SH3KBP1: variants seen among roughly 807,000 people sequenced by gnomAD.
The protein encoded by SH3KBP1 is SH3 domain-containing kinase-binding protein 1.
A neutral mutation model predicts 50.1 loss-of-function variants in SH3KBP1; 8 were observed. The ratio of observed to expected loss-of-function variants is 0.16; its 90% confidence interval spans 0.09 to 0.29. The LOEUF is 0.29. SH3KBP1 is among the 10% of genes least tolerant of loss of function. SH3KBP1 has a pLI of 1.00. For synonymous variants in SH3KBP1, 227 were observed against 218.6 expected, an observed-to-expected ratio of 1.04 and a Z score of -0.34; for missense variants, 377 against 535.2, an observed-to-expected ratio of 0.70 and a Z score of 2.92.
At chrX:19,711,807 C>A (rs1241523986) in intron 3 of SH3KBP1, among the ~76,000 whole-genome samples, 2 of 111,418 alleles carry the variant, frequency 1.8e-5, no homozygotes, top group Non-Finnish European at 3.8e-5. Flanking sequence ...TCAAAAGAAA[C>A]CCCTAATTCC....
rs779578178 is a variant in SH3KBP1, at chrX:19,842,463, T to A, written c.5-6181A>T. 2.0e-3 allele frequency among the ~76,000 whole-genome samples: 223 copies of A among 111,132 alleles called. 1 individual carries two copies. Among genetic ancestry groups the A allele is most frequent in the Non-Finnish European group, 3.5e-3 (184 of 52,729 alleles). On this transcript the variant is annotated intron_variant, in intron 1 of 17. Coordinates refer to ENST00000397821, the MANE Select transcript of SH3KBP1 (RefSeq NM_031892.3). ...ATAGCTTGAACCCCAGAGGCAGAGG[T>A]TGCAGTGAGCTGAGATCATGCCACT...
chrX:19,569,390 T>A lies in SH3KBP1; in HGVS notation c.1299-202A>T, dbSNP rs752764379. On this transcript the variant is annotated intron_variant, in intron 12 of 17. Transcript: ENST00000397821. ...AGCTGACAGGCTGGATGCGTCCCTC[T>A]CCAGCACACGTTTTCAAAAATGGCT... 2.6e-3 allele frequency among the ~76,000 whole-genome samples: 294 copies of A among 112,158 alleles called. 2 individuals carry two copies. The highest frequency in any genetic ancestry group is 8.7e-3 in the African/African-American group (270 of 30,881).
chrX:19,746,502 A>G (rs1283396052), intron 2 of SH3KBP1, 61 bp from the exon 3 acceptor site: 3 of 1,080,804 alleles, frequency 2.8e-6, no homozygotes, highest in Admixed American at 5.6e-5. Flanking sequence ...TGCCTCTTGG[A>G]CTATCTTAAG....
rs867557334 is a variant in SH3KBP1, at chrX:19,634,095, T to A, written c.803-2137A>T. Among the ~76,000 whole-genome samples the A allele has an allele frequency of 7.7e-4, 43 of 56,113 alleles. 1 individual carries two copies. Among genetic ancestry groups the A allele is most frequent in the African/African-American group, 1.7e-3 (25 of 14,893 alleles). 48.7% of individuals were successfully genotyped at this position (56,113 alleles called of 115,157 possible). A position where few individuals can be genotyped will look rare whatever the true frequency, so the allele number is the denominator to read the frequency against. On this transcript the variant is annotated intron_variant, in intron 7 of 17. Transcript: ENST00000397821. ...GTGTGTGTGTGTGTGTGTGTGTGTG[T>A]GACAGAGGGAAAGAAAGAGAGAGAG...
chrX:19,725,292 TAAAAAAAAAAA>T (rs5901663), intron 3 of SH3KBP1, among the ~76,000 whole-genome samples: 2 of 73,358 alleles, frequency 2.7e-5, no homozygotes, highest in Non-Finnish European at 5.1e-5. Flanking sequence ...GTCTCTACTC[TAAAAAAAAAAA>T]AAAAAAAAAT....
At chrX:19,881,727 G>A (rs1478542331) in intron 1 of SH3KBP1, among the ~76,000 whole-genome samples, 1 of 111,668 alleles carries the variant, frequency 9.0e-6, no homozygotes, top group Non-Finnish European at 1.9e-5. Flanking sequence ...ATCACTCAAG[G>A]ACACACTAAA....
intron 5 of SH3KBP1, among the ~76,000 whole-genome samples, chrX:19,684,919 A>T (rs2063132773): frequency 8.9e-6 from 1 of 112,013 alleles, no homozygotes; most frequent in East Asian, 2.8e-4. Flanking sequence ...GCCCACAATC[A>T]TGTTCCTAAA....
chrX:19,736,371 A>C (rs1257285312), intron 3 of SH3KBP1, among the ~76,000 whole-genome samples: 1 of 112,403 alleles, frequency 8.9e-6, no homozygotes, highest in East Asian at 2.8e-4. Context: ...CAACTTGTCT[A>C]AAGTGCTGCA....
At chrX:19,761,883 C>T (rs2065444750) in intron 2 of SH3KBP1, among the ~76,000 whole-genome samples, 1 of 112,672 alleles carries the variant, frequency 8.9e-6, no homozygotes, top group South Asian at 3.6e-4. Context: ...ACTATGTGTG[C>T]TATACTGCAA....
At chrX:19,764,986 C>CTTTTTT (rs34368819) in intron 2 of SH3KBP1, among the ~76,000 whole-genome samples, 3 of 44,551 alleles carry the variant, frequency 6.7e-5, no homozygotes, top group Non-Finnish European at 7.8e-5. Flanking sequence ...TTTTGCAGTT[C>CTTTTTT]TTTTTTTTTT....
chrX:19,770,481 T>C (rs974954522), intron 2 of SH3KBP1, among the ~76,000 whole-genome samples: 1 of 112,296 alleles, frequency 8.9e-6, no homozygotes, highest in Admixed American at 9.4e-5. Flanking sequence ...TTTGCTATTG[T>C]GAAGAGTGTG....
intron 1 of SH3KBP1, among the ~76,000 whole-genome samples, chrX:19,842,932 T>C (rs773843340): frequency 9.0e-6 from 1 of 110,615 alleles, no homozygotes; most frequent in South Asian, 3.8e-4. Context: ...ATAAATCCTT[T>C]TTGCTACCTT....
intron 1 of SH3KBP1, among the ~76,000 whole-genome samples, chrX:19,863,141 A>G (rs1410271473): frequency 8.9e-6 from 1 of 111,935 alleles, no homozygotes; most frequent in Non-Finnish European, 1.9e-5. Context: ...CTTTCCCAAA[A>G]GGGGCCCGGC....
At chrX:19,715,291 C>T (rs1228287376) in intron 3 of SH3KBP1, among the ~76,000 whole-genome samples, 6 of 96,375 alleles carry the variant, frequency 6.2e-5, no homozygotes, top group South Asian at 9.1e-4. Flanking sequence ...AAAAAAAAAA[C>T]GCCAAAAATC....
chrX:19,849,100 G>A (rs904569027), intron 1 of SH3KBP1, among the ~76,000 whole-genome samples: 1 of 110,433 alleles, frequency 9.1e-6, no homozygotes, highest in South Asian at 3.9e-4. Context: ...ATGAGCCACC[G>A]TGCCTGGCCA....
At chrX:19,649,065 T>A (rs1310389071) in intron 6 of SH3KBP1, among the ~76,000 whole-genome samples, 1 of 111,604 alleles carries the variant, frequency 9.0e-6, no homozygotes, top group Admixed American at 9.5e-5. Flanking sequence ...ATCGCATCCA[T>A]ACATCTCTCC....
At chrX:19,668,164 T>C (rs2062658569) in intron 6 of SH3KBP1, among the ~76,000 whole-genome samples, 2 of 111,745 alleles carry the variant, frequency 1.8e-5, no homozygotes, top group African/African-American at 6.5e-5. Flanking sequence ...AACTTCATCA[T>C]TTAATGAAGA....
At chrX:19,661,058 A>G (rs2062435551) in intron 6 of SH3KBP1, among the ~76,000 whole-genome samples, 1 of 113,025 alleles carries the variant, frequency 8.8e-6, no homozygotes, top group South Asian at 3.6e-4. Context: ...GGCTTCTTTC[A>G]AGATTAGTAA....
intron 8 of SH3KBP1, among the ~76,000 whole-genome samples, chrX:19,629,330 T>C (rs1334773843): frequency 9.2e-6 from 1 of 108,659 alleles, no homozygotes; most frequent in African/African-American, 3.4e-5. Context: ...GATTTTACAA[T>C]AAAGAAAAAG....
Sources: allele counts gnomAD v4.1 joint callset (sites outside exome capture counted in the v4.1 genomes callset), GRCh38; gene constraint gnomAD v4.1.1; transcripts MANE v1.5; gene names NCBI Gene and HGNC (gene_info 2026-07-23, HGNC 2026-07-21).